The following ZFHX3 variants were observed in gnomAD, a reference collection of about 807,000 sequenced individuals.
ZFHX3 encodes the protein zinc finger homeobox 3.
Under a neutral mutation model 279.1 loss-of-function variants are expected in ZFHX3, and 42 were observed. The ratio of observed to expected loss-of-function variants is 0.15; its 90% CI spans 0.12 to 0.19. The LOEUF (loss-of-function observed/expected upper bound fraction) is 0.19. ZFHX3 is among the 10% of genes least tolerant of loss of function. The pLI, the probability that ZFHX3 is intolerant of heterozygous loss-of-function variation, is 1.00. For missense variants in ZFHX3, 4,981 were observed against 4,754.0 expected (o/e 1.05, Z -1.40); for synonymous variants, 2,293 against 1,957.8 (o/e 1.17, Z -4.52).
chr16:73,082,056 T>C (rs1221001759), intron 8 of ZFHX3, among the ~76,000 whole-genome samples: 4 of 151,920 alleles, frequency 2.6e-5, no homozygotes, highest in African/African-American at 9.7e-5. Context: ...GGGCTGTTCT[T>C]GAATTCCTGA....
intron 3 of ZFHX3, among the ~76,000 whole-genome samples, chr16:73,448,692 G>A (rs947923526): frequency 1.8e-4 from 27 of 149,650 alleles, no homozygotes; most frequent in African/African-American, 6.2e-4. Flanking sequence ...ATACGTGTGT[G>A]TGTGTGTGTG....
chr16:73,726,274 C>T (rs1366862295), intron 1 of ZFHX3, among the ~76,000 whole-genome samples: 2 of 152,118 alleles, frequency 1.3e-5, no homozygotes, highest in South Asian at 4.1e-4. Context: ...TAACAAAGTG[C>T]GAGTCTCCTG....
chr16:72,896,169 CG>C (rs2038895084), intron 3 of ZFHX3, among the ~76,000 whole-genome samples: 3 of 152,252 alleles, frequency 2.0e-5, no homozygotes, highest in South Asian at 4.1e-4. Flanking sequence ...GGCACACGTT[CG>C]GGGGTCAACA....
chr16:73,497,613 T>C lies in ZFHX3; in HGVS notation c.-1546-41355A>G, dbSNP rs573814616. On this transcript the variant is annotated intron_variant, in intron 2 of 17. Transcript: ENST00000641206. ...TGAGCCCAGGGGGTCGAGACTGTAG[T>C]GGACAATGTTCACGCCACTGCACTC... Among the ~76,000 whole-genome samples the C allele has an allele frequency of 2.6e-5, 4 of 152,134 alleles. 1 individual carries two copies. In the South Asian group the frequency reaches 8.3e-4, roughly 32 times the overall value.
chr16:73,813,280 GAC>G (rs1960474797), intron 1 of ZFHX3, among the ~76,000 whole-genome samples: 1 of 151,258 alleles, frequency 6.6e-6, no homozygotes, highest in Admixed American at 6.6e-5. Flanking sequence ...TTGGACAAGA[GAC>G]AAAATGCACT....
At position 73,870,182 on chromosome 16, in the gene ZFHX3, A is replaced by G. The variant is rs376647855; in HGVS notation, c.-1608+21469T>C. On this transcript the variant is annotated intron_variant, in intron 1 of 17. Transcript: ENST00000641206. ...AAGAAAGATAGGTCCCTCATAATCA[A>G]TTTACATACAATCAAGGTTTGCTGT... Among the ~76,000 whole-genome samples the G allele has an allele frequency of 7.2e-5, 11 of 152,306 alleles. No individual in the cohort carries two copies. In the South Asian group the frequency reaches 2.3e-3, roughly 32 times the overall value.
At chr16:73,072,245 GA>G (rs1352887315) in intron 8 of ZFHX3, among the ~76,000 whole-genome samples, 1 of 152,096 alleles carries the variant, frequency 6.6e-6, no homozygotes, top group East Asian at 1.9e-4. Context: ...AGGAGTTCAA[GA>G]CCAGCCTGGC....
chr16:72,935,660 GGA>G (rs1354317741), intron 3 of ZFHX3, among the ~76,000 whole-genome samples: 1 of 151,898 alleles, frequency 6.6e-6, no homozygotes, highest in African/African-American at 2.4e-5. Flanking sequence ...CTTGAACTCG[GGA>G]GGGGGGGGTT....
intron 1 of ZFHX3, among the ~76,000 whole-genome samples, chr16:73,875,911 CAT>C (rs1696040430): frequency 6.6e-6 from 1 of 152,162 alleles, no homozygotes; most frequent in Non-Finnish European, 1.5e-5. Context: ...AATATATACA[CAT>C]GATTTTGCTT....
chr16:73,258,916 T>G (rs913731569), intron 4 of ZFHX3, among the ~76,000 whole-genome samples: 5 of 152,228 alleles, frequency 3.3e-5, no homozygotes, highest in Non-Finnish European at 5.9e-5. Context: ...TACATGTACC[T>G]GAGTAGTCTC....
At chr16:73,769,721 C>T (rs529183547) in intron 1 of ZFHX3, among the ~76,000 whole-genome samples, 10 of 151,964 alleles carry the variant, frequency 6.6e-5, no homozygotes, top group South Asian at 2.1e-4. Context: ...CATTTTTTGC[C>T]GGAGATTTGT....
intron 2 of ZFHX3, among the ~76,000 whole-genome samples, chr16:73,520,199 G>A (rs1040439368): frequency 1.3e-5 from 2 of 152,130 alleles, no homozygotes; most frequent in African/African-American, 4.8e-5. Flanking sequence ...TTAAAAAGAT[G>A]TAATGGAATA....
intron 5 of ZFHX3, chr16:73,232,970 G>A (rs2012822923): frequency 6.6e-6 from 1 of 152,236 alleles, no homozygotes; most frequent in Admixed American, 6.5e-5. Context: ...GTTCAGTGGA[G>A]GGTGTGTTTG....
intron 4 of ZFHX3, among the ~76,000 whole-genome samples, chr16:72,861,642 G>A (rs1342822884): frequency 1.3e-5 from 2 of 152,150 alleles, no homozygotes; most frequent in East Asian, 1.9e-4. Context: ...TGAAAATGTG[G>A]AATTACCAAC....
intron 2 of ZFHX3, among the ~76,000 whole-genome samples, chr16:73,615,941 C>T (rs1461677918): frequency 6.6e-6 from 1 of 152,132 alleles, no homozygotes; most frequent in Non-Finnish European, 1.5e-5. Flanking sequence ...GGAATCTTCA[C>T]GTGGGCTAAA....
intron 5 of ZFHX3, among the ~76,000 whole-genome samples, chr16:73,213,599 C>T (rs1028500899): frequency 2.0e-5 from 3 of 152,068 alleles, no homozygotes; most frequent in East Asian, 1.9e-4. Flanking sequence ...TTGGCTGGTC[C>T]CCGCAGTTTG....
At chr16:73,328,280 A>G (rs2015732914) in intron 3 of ZFHX3, among the ~76,000 whole-genome samples, 1 of 152,124 alleles carries the variant, frequency 6.6e-6, no homozygotes, top group Non-Finnish European at 1.5e-5. Context: ...ATCCATTTTA[A>G]AGGTCTTCCT....
At chr16:73,333,724 T>C (rs1256540523) in intron 3 of ZFHX3, among the ~76,000 whole-genome samples, 13 of 144,232 alleles carry the variant, frequency 9.0e-5, no homozygotes, top group Non-Finnish European at 1.8e-4. Flanking sequence ...AGATGTGAGA[T>C]CTGCTTCAAA....
At chr16:73,673,426 G>C (rs192803403) in intron 2 of ZFHX3, among the ~76,000 whole-genome samples, 3 of 151,826 alleles carry the variant, frequency 2.0e-5, no homozygotes, top group African/African-American at 7.3e-5. Context: ...AGAGAAGATA[G>C]GAAAAGGCCT....
Sources: allele counts gnomAD v4.1 joint callset (sites outside exome capture counted in the v4.1 genomes callset), GRCh38; gene constraint gnomAD v4.1.1; transcripts MANE v1.5; gene names NCBI Gene and HGNC (gene_info 2026-07-23, HGNC 2026-07-21).